The following GABBR2 variants were observed in gnomAD, a reference collection of about 807,000 sequenced individuals.
GABBR2 encodes the protein G-protein coupled receptor 51.
In GABBR2, 23 loss-of-function variants were observed where a neutral mutation model predicts 105.6. The observed-to-expected ratio is 0.22, with a 90% CI of 0.16 to 0.31. The LOEUF (loss-of-function observed/expected upper bound fraction) is 0.31. Among genes scored for constraint, GABBR2 ranks in the 10% least tolerant of loss-of-function variants. The probability of loss-of-function intolerance (pLI) is 1.00; values close to 1 mark genes in which losing one functional copy is unlikely to be tolerated. For missense variants in GABBR2, 734 were observed against 1,245.5 expected, an observed-to-expected ratio of 0.59 and a Z score of 6.18; for synonymous variants, 478 against 499.7, an observed-to-expected ratio of 0.96 and a Z score of 0.58.
chr9:98,688,635 A>G (rs915689765), intron 1 of GABBR2, among the ~76,000 whole-genome samples: 5 of 152,188 alleles, frequency 3.3e-5, no homozygotes, highest in Non-Finnish European at 7.3e-5. Context: ...TCAACAAAGA[A>G]AGAGTGGTCA....
At chr9:98,624,641 A>C (rs1419995587) in intron 1 of GABBR2, among the ~76,000 whole-genome samples, 1 of 152,016 alleles carries the variant, frequency 6.6e-6, no homozygotes, top group African/African-American at 2.4e-5. Flanking sequence ...CCAAGGAAGC[A>C]AGCTGCAGGC....
intron 8 of GABBR2, among the ~76,000 whole-genome samples, chr9:98,403,873 T>G (rs1467342023): frequency 2.0e-5 from 3 of 152,190 alleles, no homozygotes; most frequent in Middle Eastern, 3.4e-3. Context: ...ACTCCTATTT[T>G]ACAGATGAGG....
chr9:98,533,337 C>T (rs996742381), intron 3 of GABBR2, among the ~76,000 whole-genome samples: 1 of 152,052 alleles, frequency 6.6e-6, no homozygotes, highest in Non-Finnish European at 1.5e-5. Context: ...GCTGCTCTTC[C>T]AGATGGCCCG....
At chr9:98,513,344 G>T (rs947955865) in intron 3 of GABBR2, among the ~76,000 whole-genome samples, 16 of 151,884 alleles carry the variant, frequency 1.1e-4, no homozygotes, top group Non-Finnish European at 1.9e-4. Context: ...ACATAGGCAT[G>T]GGCAAGGACT....
chr9:98,631,283 T>C (rs1235576070), intron 1 of GABBR2, among the ~76,000 whole-genome samples: 2 of 152,166 alleles, frequency 1.3e-5, no homozygotes, highest in African/African-American at 4.8e-5. Context: ...CTATCACACT[T>C]CCTGCCAGTG....
chr9:98,420,227 A>G (rs914253773), intron 7 of GABBR2, among the ~76,000 whole-genome samples: 9 of 152,094 alleles, frequency 5.9e-5, no homozygotes, highest in Non-Finnish European at 1.0e-4. Context: ...CCCTCTGGAT[A>G]TACAAGTCCT....
chr9:98,342,120 G>A (rs777986202), intron 13 of GABBR2, among the ~76,000 whole-genome samples: 1 of 152,126 alleles, frequency 6.6e-6, no homozygotes, highest in Admixed American at 6.5e-5. Context: ...GGTGAACAGT[G>A]TGAGATGGAA....
At chr9:98,464,748 G>A (rs1826510091) in intron 6 of GABBR2, among the ~76,000 whole-genome samples, 1 of 152,162 alleles carries the variant, frequency 6.6e-6, no homozygotes, top group South Asian at 2.1e-4. Context: ...AGTAGACATA[G>A]GAGACTCCAT....
intron 1 of GABBR2, chr9:98,581,101 CCGGGGCACGCA>C (rs1828995177): frequency 6.6e-6 from 1 of 152,536 alleles, no homozygotes; most frequent in African/African-American, 2.4e-5. Context: ...GGCAGTGAGG[CCGGGGCACGCA>C]GTCACCTCCC....
chr9:98,626,744 T>G (rs1829742468), intron 1 of GABBR2, among the ~76,000 whole-genome samples: 1 of 152,198 alleles, frequency 6.6e-6, no homozygotes, highest in South Asian at 2.1e-4. Flanking sequence ...ATTTGCATGT[T>G]GTTTATGTAA....
Position 98,429,106 on chromosome 9 carries a change from C to A in GABBR2, c.1237-22965G>T, listed in dbSNP as rs183484567. ...TTTTATTTCATGATTAAATTAAAAA[C>A]TCACCCAGGTTTTTGGTGTGTGTGT... On this transcript the variant is annotated intron_variant, in intron 7 of 18. Transcript: ENST00000259455. Among the ~76,000 whole-genome samples, 340 of 144,136 alleles carry A rather than the reference C, an allele frequency of 2.4e-3. 1 individual carries two copies. The highest frequency in any genetic ancestry group is 8.6e-3 in the African/African-American group (327 of 38,110). 94.6% of individuals were successfully genotyped at this position (144,136 alleles called of 152,430 possible). A position where few individuals can be genotyped will look rare whatever the true frequency, so the allele number is the denominator to read the frequency against.
At chr9:98,413,010 C>A (rs536967613) in intron 7 of GABBR2, among the ~76,000 whole-genome samples, 16 of 152,348 alleles carry the variant, frequency 1.1e-4, no homozygotes, top group Admixed American at 8.5e-4. Context: ...GGTCTTCATT[C>A]TGAAGGCTCC....
At position 98,567,944 on chromosome 9, in the gene GABBR2, G is replaced by C. The variant is rs111976005; in HGVS notation, c.459+9991C>G. Among the ~76,000 whole-genome samples the C allele has an allele frequency of 4.0e-3, 604 of 152,292 alleles. 3 individuals carry two copies. The highest frequency in any genetic ancestry group is 0.014 in the African/African-American group (579 of 41,536). On this transcript the variant is annotated intron_variant, in intron 2 of 18. Coordinates refer to ENST00000259455, the MANE Select transcript of GABBR2 (RefSeq NM_005458.8). The stretch of plus-strand genomic sequence containing the variant: ...GGAGAGCCTGGGAGAGTATACAGCA[G>C]GCGCTGCACTTGTTGAGTGAGAGAA...
At chr9:98,642,730 T>C (rs1829980942) in intron 1 of GABBR2, among the ~76,000 whole-genome samples, 1 of 152,168 alleles carries the variant, frequency 6.6e-6, no homozygotes, top group Non-Finnish European at 1.5e-5. Flanking sequence ...TTTGTGAAAA[T>C]TCTGTTTTAG....
At chr9:98,405,756 G>C (rs1267247383) in intron 8 of GABBR2, among the ~76,000 whole-genome samples, 1 of 152,096 alleles carries the variant, frequency 6.6e-6, no homozygotes, top group East Asian at 1.9e-4. Context: ...CTATTGTTTA[G>C]GGAATAACGA....
At chr9:98,601,165 C>T (rs986250595) in intron 1 of GABBR2, among the ~76,000 whole-genome samples, 1 of 152,152 alleles carries the variant, frequency 6.6e-6, no homozygotes, top group Non-Finnish European at 1.5e-5. Context: ...CAAAACAAAA[C>T]GTATCAGAAT....
chr9:98,502,426 C>T (rs1053926887), intron 3 of GABBR2, among the ~76,000 whole-genome samples: 2 of 152,190 alleles, frequency 1.3e-5, no homozygotes, highest in Non-Finnish European at 2.9e-5. Flanking sequence ...ACGCCGGGTA[C>T]TGCCCTCTCT....
chr9:98,575,091 C>T (rs116000548), intron 2 of GABBR2, among the ~76,000 whole-genome samples: 6 of 152,026 alleles, frequency 3.9e-5, no homozygotes, highest in African/African-American at 1.5e-4. Context: ...ACCACCACCC[C>T]CCCCCAAATC....
chr9:98,512,661 T>A (rs1356664642), intron 3 of GABBR2, among the ~76,000 whole-genome samples: 1 of 152,022 alleles, frequency 6.6e-6, no homozygotes, highest in Non-Finnish European at 1.5e-5. Flanking sequence ...CACAATTGCT[T>A]CAAAGAGAAT....
Sources: allele counts gnomAD v4.1 joint callset (sites outside exome capture counted in the v4.1 genomes callset), GRCh38; gene constraint gnomAD v4.1.1; transcripts MANE v1.5; gene names NCBI Gene and HGNC (gene_info 2026-07-23, HGNC 2026-07-21).